The following PCDH15 variants were observed in gnomAD, a reference collection of about 807,000 sequenced individuals.
PCDH15 encodes protocadherin related 15.
Under a neutral mutation model 178.5 loss-of-function variants are expected in PCDH15, and 129 were observed. The ratio of observed to expected loss-of-function variants is 0.72; its 90% CI spans 0.63 to 0.84. The LOEUF is 0.84. PCDH15 is among the 40% of genes least tolerant of loss of function. The pLI, the probability that PCDH15 is intolerant of heterozygous loss-of-function variation, is 0.00. For missense variants in PCDH15, 2,230 were observed against 2,099.9 expected, an observed-to-expected ratio of 1.06 and a Z score of -1.21; for synonymous variants, 800 against 732.0, an observed-to-expected ratio of 1.09 and a Z score of -1.50.
At chr10:55,589,477 C>T (rs1359542315) in intron 2 of PCDH15, among the ~76,000 whole-genome samples, 50 of 152,008 alleles carry the variant, frequency 3.3e-4, no homozygotes, top group African/African-American at 1.2e-3. Flanking sequence ...TCTAATTAAA[C>T]TAAAGAGCTT....
At chr10:54,137,924 T>TA (rs2043037406) in intron 14 of PCDH15, among the ~76,000 whole-genome samples, 1 of 152,120 alleles carries the variant, frequency 6.6e-6, no homozygotes, top group Middle Eastern at 3.2e-3. Context: ...GAAGGCCTCC[T>TA]AAGCAGTTGC....
At chr10:54,469,437 T>C (rs2136647429) in intron 3 of PCDH15, among the ~76,000 whole-genome samples, 1 of 152,314 alleles carries the variant, frequency 6.6e-6, no homozygotes, top group East Asian at 1.9e-4. Context: ...GTCTATATCA[T>C]TGAACTACAA....
chr10:55,199,208 G>A (rs1840174654), intron 1 of PCDH15, among the ~76,000 whole-genome samples: 1 of 152,050 alleles, frequency 6.6e-6, no homozygotes, highest in South Asian at 2.1e-4. Flanking sequence ...ATAGTGATAT[G>A]GACAATAAAG....
chr10:54,445,197 C>T (rs2076073089), intron 3 of PCDH15, among the ~76,000 whole-genome samples: 1 of 151,050 alleles, frequency 6.6e-6, no homozygotes, highest in Non-Finnish European at 1.5e-5. Context: ...TTATTTTTTT[C>T]TCCATAAATG....
At chr10:53,905,202 T>C in intron 25 of PCDH15, 1 of 518,998 alleles carries the variant, frequency 1.9e-6, no homozygotes, top group Middle Eastern at 3.2e-4. Context: ...CCTGAGTGAC[T>C]AAACGTCATC....
intron 3 of PCDH15, among the ~76,000 whole-genome samples, chr10:54,381,170 C>A (rs1198144768): frequency 6.6e-6 from 1 of 151,876 alleles, no homozygotes; most frequent in African/African-American, 2.4e-5. Context: ...ATACAAGGAG[C>A]AATATACATA....
intron 17 of PCDH15, among the ~76,000 whole-genome samples, chr10:54,072,805 GT>G (rs1213947207): frequency 6.6e-6 from 1 of 152,146 alleles, no homozygotes; most frequent in African/African-American, 2.4e-5. Context: ...GCAGAGAGAG[GT>G]GTCAAGAGAG....
intron 25 of PCDH15, among the ~76,000 whole-genome samples, chr10:53,937,371 A>C (rs1490510401): frequency 6.6e-6 from 1 of 152,220 alleles, no homozygotes; most frequent in Non-Finnish European, 1.5e-5. Flanking sequence ...TTTGCAATAA[A>C]ATAGGTTACA....
intron 20 of PCDH15, among the ~76,000 whole-genome samples, chr10:54,007,634 T>C (rs1259692384): frequency 6.6e-6 from 1 of 152,222 alleles, no homozygotes; most frequent in Non-Finnish European, 1.5e-5. Flanking sequence ...TGCAGATGTC[T>C]TGATAAAAAT....
At chr10:55,523,611 CT>C (rs2132167874) in intron 2 of PCDH15, among the ~76,000 whole-genome samples, 1 of 151,716 alleles carries the variant, frequency 6.6e-6, no homozygotes, top group South Asian at 2.1e-4. Context: ...CTATCTGAAA[CT>C]TTGTACTCTT....
At chr10:54,137,791 T>C (rs539325528) in intron 14 of PCDH15, among the ~76,000 whole-genome samples, 1 of 152,216 alleles carries the variant, frequency 6.6e-6, no homozygotes, top group African/African-American at 2.4e-5. Flanking sequence ...TGTTCAGTGA[T>C]TGGCTTTTTG....
intron 1 of PCDH15, among the ~76,000 whole-genome samples, chr10:54,769,436 C>T (rs1306498925): frequency 6.6e-6 from 1 of 150,540 alleles, no homozygotes; most frequent in Admixed American, 6.6e-5. Context: ...TCAGGAACAT[C>T]CTGAGATTTT....
At chr10:53,968,627 T>C (rs898359611) in intron 21 of PCDH15, among the ~76,000 whole-genome samples, 4 of 152,098 alleles carry the variant, frequency 2.6e-5, no homozygotes, top group Admixed American at 1.3e-4. Flanking sequence ...ACACCTCATA[T>C]AGCCGGACGC....
chr10:55,364,546 G>A (rs1845306647), intron 2 of PCDH15, among the ~76,000 whole-genome samples: 1 of 152,026 alleles, frequency 6.6e-6, no homozygotes, highest in South Asian at 2.1e-4. Context: ...GATGCCATGG[G>A]CATATGTTTC....
intron 2 of PCDH15, among the ~76,000 whole-genome samples, chr10:55,531,732 G>T (rs1483449281): frequency 6.6e-6 from 1 of 152,016 alleles, no homozygotes; most frequent in Non-Finnish European, 1.5e-5. Flanking sequence ...CAAATTGCCA[G>T]ATCATTCTCA....
chr10:54,057,756 C>G (rs1391607375), intron 18 of PCDH15, among the ~76,000 whole-genome samples: 2 of 152,184 alleles, frequency 1.3e-5, no homozygotes, highest in Non-Finnish European at 2.9e-5. Context: ...ATGAGGTTTT[C>G]TTTACTACTG....
At chr10:55,035,390 C>T (rs1400983124) in intron 2 of PCDH15, among the ~76,000 whole-genome samples, 1 of 152,060 alleles carries the variant, frequency 6.6e-6, no homozygotes, top group Non-Finnish European at 1.5e-5. Context: ...TTCTGGAAGA[C>T]CATTTTGTTC....
chr10:54,567,304 C>T (rs949689), intron 2 of PCDH15, among the ~76,000 whole-genome samples: 144,459 of 152,190 alleles, frequency 0.95, 68,696 homozygotes, highest in Middle Eastern at 0.98. Flanking sequence ...TCATTTGACA[C>T]TGTCTTTCTC....
chr10:54,071,917 C>G (rs928824608), intron 17 of PCDH15, among the ~76,000 whole-genome samples: 2 of 152,124 alleles, frequency 1.3e-5, no homozygotes, highest in East Asian at 3.9e-4. Context: ...AGAAATGTGT[C>G]TAACGTGTTT....
Sources: allele counts gnomAD v4.1 joint callset (sites outside exome capture counted in the v4.1 genomes callset), GRCh38; gene constraint gnomAD v4.1.1; transcripts MANE v1.5; gene names NCBI Gene and HGNC (gene_info 2026-07-23, HGNC 2026-07-21).